The following TPH2 variants were observed in gnomAD, a reference collection of about 807,000 sequenced individuals.
TPH2 encodes tryptophan 5-hydroxylase 2.
A neutral mutation model predicts 59.1 loss-of-function variants in TPH2; 27 were observed. That is an observed-to-expected ratio of 0.46 (90% CI 0.34 to 0.63). TPH2 has a LOEUF of 0.63. Ranked by LOEUF, TPH2 falls within the 30% of genes least tolerant of loss-of-function variation. The pLI, the probability that TPH2 is intolerant of heterozygous loss-of-function variation, is 0.01. For missense variants in TPH2, 523 were observed against 588.3 expected, an observed-to-expected ratio of 0.89 and a Z score of 1.15; for synonymous variants, 220 against 210.5, an observed-to-expected ratio of 1.05 and a Z score of -0.39.
At chr12:71,956,207 G>A (rs185777872) in intron 5 of TPH2, among the ~76,000 whole-genome samples, 8 of 152,332 alleles carry the variant, frequency 5.3e-5, no homozygotes, top group Admixed American at 2.6e-4. Flanking sequence ...AGTGAGCAAG[G>A]CAGAATCTAT....
rs1231614620 is a variant in TPH2, at chr12:71,963,443, C to CATAT, written c.609-9065_609-9062dup. On this transcript the variant is annotated intron_variant, in intron 5 of 10. Coordinates refer to ENST00000333850, the MANE Select transcript of TPH2 (RefSeq NM_173353.4). Reference sequence around the variant, plus strand: ...ATGTATTAGTGTGTGTATATACATACATATATATATATATGTATGTATATA... The same window carrying CATAT: ...ATGTATTAGTGTGTGTATATACATACATATATATATATATATATGTATGTATATA... Among the ~76,000 whole-genome samples, 77 of 34,574 alleles carry CATAT rather than the reference C, an allele frequency of 2.2e-3. 29 individuals are homozygous for CATAT. The highest frequency in any genetic ancestry group is 5.9e-3 in the African/African-American group (77 of 13,136). 22.7% of individuals were successfully genotyped at this position (34,574 alleles called of 152,430 possible).
At chr12:71,948,542 G>T (rs1871259178) in intron 4 of TPH2, among the ~76,000 whole-genome samples, 5 of 152,188 alleles carry the variant, frequency 3.3e-5, no homozygotes, top group Admixed American at 3.3e-4. Context: ...TAATGAGTTT[G>T]AGGCTCCTCT....
chr12:71,952,638 C>T (rs538354915), intron 5 of TPH2, among the ~76,000 whole-genome samples: 1 of 152,102 alleles, frequency 6.6e-6, no homozygotes, highest in African/African-American at 2.4e-5. Flanking sequence ...TGGTGCTGAG[C>T]CCAGACTGAC....
intron 8 of TPH2, among the ~76,000 whole-genome samples, chr12:72,019,087 A>G (rs573279540): frequency 6.6e-6 from 1 of 152,262 alleles, no homozygotes; most frequent in East Asian, 1.9e-4. Flanking sequence ...AATTTTTTAG[A>G]GGATATACTT....
intron 5 of TPH2, among the ~76,000 whole-genome samples, chr12:71,959,763 AG>A (rs1458728578): frequency 6.6e-6 from 1 of 152,234 alleles, no homozygotes; most frequent in East Asian, 1.9e-4. Flanking sequence ...ATGGAAGGGA[AG>A]GTTATGCTTT....
Position 71,978,808 on chromosome 12 carries a change from A to G in TPH2, c.806-144A>G, listed in dbSNP as rs1592395781. 9 of 980,216 alleles carry G rather than the reference A, an allele frequency of 9.2e-6. No homozygotes were observed. In the South Asian group the frequency reaches 9.3e-5, roughly 10 times the overall value. 60.7% of individuals were successfully genotyped at this position (980,216 alleles called of 1,614,324 possible). On this transcript the variant is annotated intron_variant, in intron 6 of 10. Coordinates refer to ENST00000333850, the MANE Select transcript of TPH2 (RefSeq NM_173353.4). ...AGCACCAAACATGATAGCTGTTAAC[A>G]GTATATGTCACTCAGTTGTCAAGAG...
chr12:71,986,914 T>G (rs1274936400), intron 7 of TPH2, among the ~76,000 whole-genome samples: 1 of 152,148 alleles, frequency 6.6e-6, no homozygotes, highest in East Asian at 1.9e-4. Context: ...CCAAAATGAT[T>G]GAATTTTATG....
chr12:71,956,347 T>C (rs1871495953), intron 5 of TPH2, among the ~76,000 whole-genome samples: 1 of 152,144 alleles, frequency 6.6e-6, no homozygotes, highest in South Asian at 2.1e-4. Context: ...GAGTCAGGGT[T>C]CACTGAGGAC....
At chr12:71,966,528 C>G (rs547236458) in intron 5 of TPH2, among the ~76,000 whole-genome samples, 5 of 152,166 alleles carry the variant, frequency 3.3e-5, no homozygotes, top group Admixed American at 6.5e-5. Flanking sequence ...ATGAGAGGGA[C>G]AGTCTATTCC....
intron 7 of TPH2, among the ~76,000 whole-genome samples, chr12:71,985,077 T>A (rs368036613): frequency 2.0e-5 from 3 of 152,198 alleles, no homozygotes; most frequent in East Asian, 1.9e-4. Context: ...CTATTTTAAG[T>A]GTAATGTATG....
rs116112047 is a variant in TPH2 at position 71,972,983 on chromosome 12, G to A, written c.805+268G>A. Reference sequence around the variant, plus strand: ...AAAGGATATTTGCAAGTTCAGCTCTGAGCTTTTTCTGATCCAGGAGCTGCT... The same window carrying A: ...AAAGGATATTTGCAAGTTCAGCTCTAAGCTTTTTCTGATCCAGGAGCTGCT... On this transcript the variant is annotated intron_variant, in intron 6 of 10. Transcript: ENST00000333850. Among the ~76,000 whole-genome samples the A allele has an allele frequency of 3.9e-3, 593 of 152,296 alleles. 8 individuals are homozygous for A. The highest frequency in any genetic ancestry group is 0.014 in the African/African-American group (562 of 41,556).
intron 8 of TPH2, among the ~76,000 whole-genome samples, chr12:72,010,949 G>C (rs1367069069): frequency 6.6e-6 from 1 of 152,200 alleles, no homozygotes; most frequent in East Asian, 1.9e-4. Flanking sequence ...ATAAAAATCA[G>C]TTCCTGGGCA....
chr12:71,970,198 C>T (rs887527395), intron 5 of TPH2, among the ~76,000 whole-genome samples: 3 of 152,084 alleles, frequency 2.0e-5, no homozygotes, highest in Non-Finnish European at 4.4e-5. Flanking sequence ...TATGAGAAAT[C>T]TGTTGATATG....
At chr12:71,972,441 T>C in intron 5 of TPH2, 78 bp from the exon 6 acceptor site, 1 of 1,415,958 alleles carries the variant, frequency 7.1e-7, no homozygotes. Context: ...GTCTGACTTG[T>C]GATAGGTATT....
intron 8 of TPH2, among the ~76,000 whole-genome samples, chr12:72,017,542 T>C (rs900276136): frequency 2.0e-5 from 3 of 152,242 alleles, no homozygotes; most frequent in Admixed American, 6.5e-5. Context: ...TGATGAAAGA[T>C]ACCCTTCAAT....
At chr12:71,971,178 C>T (rs945157242) in intron 5 of TPH2, among the ~76,000 whole-genome samples, 1 of 152,194 alleles carries the variant, frequency 6.6e-6, no homozygotes, top group Non-Finnish European at 1.5e-5. Context: ...ACTGCAGCAA[C>T]CCTGAGTGAC....
intron 5 of TPH2, among the ~76,000 whole-genome samples, chr12:71,967,795 TC>T (rs1289249938): frequency 6.6e-6 from 1 of 152,362 alleles, no homozygotes; most frequent in Admixed American, 6.5e-5. Context: ...GGAAGCAAGT[TC>T]CTTAGCAACA....
chr12:71,956,577 TTCCTTCCCTCTTTCCC>T lies in TPH2; in HGVS notation c.608+6937_608+6952del, dbSNP rs1244179321. 2.1e-5 allele frequency among the ~76,000 whole-genome samples: 3 copies of T among 145,268 alleles called. No individual in the cohort carries two copies. In the East Asian group the frequency reaches 6.4e-4, roughly 31 times the overall value. On this transcript the variant is annotated intron_variant, in intron 5 of 10. Coordinates refer to ENST00000333850, the MANE Select transcript of TPH2 (RefSeq NM_173353.4). ...CCTCCTTCCTTCCTTCTTTCCCTCC[TTCCTTCCCTCTTTCCC>T]TCCTTCCCTCTTTCTCTCCTTCCTT... is the stretch of plus-strand genomic sequence containing the variant.
At chr12:71,974,929 G>A (rs1039215364) in intron 6 of TPH2, among the ~76,000 whole-genome samples, 1 of 152,034 alleles carries the variant, frequency 6.6e-6, no homozygotes, top group Non-Finnish European at 1.5e-5. Flanking sequence ...GCTCCCTCTT[G>A]TTTTCACTGG....
Sources: allele counts gnomAD v4.1 joint callset (sites outside exome capture counted in the v4.1 genomes callset), GRCh38; gene constraint gnomAD v4.1.1; transcripts MANE v1.5; gene names NCBI Gene and HGNC (gene_info 2026-07-23, HGNC 2026-07-21).